The following MEX3D variants were observed in gnomAD, a reference collection of about 807,000 sequenced individuals.
MEX3D encodes mex-3 RNA binding family member D, also known as RNA-binding protein MEX3D.
A neutral mutation model predicts 6.3 loss-of-function variants in MEX3D; 4 were observed. That is an observed-to-expected ratio of 0.64 (90% CI 0.31 to 1.46). The LOEUF is 1.46. MEX3D is among the 40% of genes most tolerant of loss of function. The pLI is 0.07. For synonymous variants in MEX3D, 626 were observed against 494.1 expected (o/e 1.27, Z -3.54); for missense variants, 1,038 against 994.4 (o/e 1.04, Z -0.59).
rs1181675241 is a variant in MEX3D at position 1,556,208 on chromosome 19, C to T, written c.1311G>A (p.Glu437=). 7.0e-7 allele frequency: 1 copy of T among 1,433,668 alleles called. No individual in the cohort carries two copies. Among genetic ancestry groups the T allele is most frequent in the South Asian group, 1.3e-5 (1 of 78,180 alleles). 88.8% of individuals were successfully genotyped at this position (1,433,668 alleles called of 1,614,324 possible). The change falls in exon 2 of 2, where the codon GAG becomes GAA. Residue 437 remains glutamate (E), a synonymous_variant. Transcript: ENST00000402693. This position sits in a 1 kb window ranked among gnomAD's most constrained non-coding sequence, Gnocchi z 7.5. The part of the protein sequence containing the change: ...SGNGGFAFGA[E]GPGAPVGTAA... ...CCGTCCCCACCGGGGCACCGGGACC[C>T]TCCGCGCCGAAGGCGAAGCCCCCGT...
Position 1,555,441 on chromosome 19 carries a change from CTGCCCCCTCGG to C in MEX3D, c.*111_*121del. On this transcript the variant is annotated 3_prime_UTR_variant, in exon 2 of 2. Coordinates refer to ENST00000402693, the MANE Select transcript of MEX3D (RefSeq NM_203304.4). The stretch of plus-strand genomic sequence containing the variant: ...TAAACACTGGCCGCCGCCCACCCCC[CTGCCCCCTCGG>C]CCTCCGCCCCTCGCCCCCTCCCCGT... 1.4e-6 allele frequency: 2 copies of C among 1,401,782 alleles called. No homozygotes were observed. Among genetic ancestry groups the C allele is most frequent in the East Asian group, 3.1e-5 (1 of 32,228 alleles). 86.8% of individuals were successfully genotyped at this position (1,401,782 alleles called of 1,614,324 possible).
In MEX3D at chr19:1,567,306, A is replaced by G. The variant is rs1452368763; in HGVS notation, c.595+158T>C. 6.6e-6 allele frequency among the ~76,000 whole-genome samples: 1 copy of G among 151,546 alleles called. No homozygotes were observed. The highest frequency in any genetic ancestry group is 2.0e-4 in the East Asian group (1 of 5,126). On this transcript the variant is annotated intron_variant, in intron 1 of 1. Transcript: ENST00000402693. The surrounding 1 kb of genome is among the most constrained non-coding windows in gnomAD (Gnocchi z 6.5). ...AACTTTCTCCCGCGGCGGCTGCAGG[A>G]CAAAGGCGCAAAGGCAGCGGCCGAG... is the stretch of plus-strand genomic sequence containing the variant.
chr19:1,567,594 C>G lies in MEX3D; in HGVS notation c.465G>C (p.Ala155=). The change falls in exon 1 of 2, where the codon GCG becomes GCC. Residue 155 remains alanine (A), a synonymous_variant. Coordinates refer to ENST00000402693, the MANE Select transcript of MEX3D (RefSeq NM_203304.4). The surrounding 1 kb of genome is among the most constrained non-coding windows in gnomAD (Gnocchi z 6.5). ...DVFAGFAPHP[A]ALGPPTLLAD... ...CCAGCAGCGTCGGGGGCCCCAGGGC[C>G]GCGGGGTGGGGCGCGAAGCCCGCGA... 6.9e-7 allele frequency: 1 copy of G among 1,454,690 alleles called. No homozygotes were observed. Among genetic ancestry groups the G allele is most frequent in the Non-Finnish European group, 9.1e-7 (1 of 1,100,634 alleles). 90.1% of individuals were successfully genotyped at this position (1,454,690 alleles called of 1,614,324 possible).
intron 1 of MEX3D, among the ~76,000 whole-genome samples, chr19:1,558,087 C>T (rs1251998068): frequency 6.7e-6 from 1 of 148,528 alleles, no homozygotes; most frequent in African/African-American, 2.5e-5. Context: ...GTGGCAGGGT[C>T]AGTGGCTCAC....
rs544441757 is a variant in MEX3D at position 1,555,440 on chromosome 19, C to T, written c.*123G>A. 8.6e-4 allele frequency: 1,262 copies of T among 1,470,444 alleles called. 21 individuals carry two copies. The African/African-American group carries it at 0.016, about 19-fold the overall frequency. The allele number at this position is 1,470,444 out of a possible 1,614,324, so 91.1% of individuals were successfully genotyped here. On this transcript the variant is annotated 3_prime_UTR_variant, in exon 2 of 2. Coordinates refer to ENST00000402693, the MANE Select transcript of MEX3D (RefSeq NM_203304.4). ...GTAAACACTGGCCGCCGCCCACCCCCCTGCCCCCTCGGCCTCCGCCCCTCG... is the reference window on the plus strand; with the variant it reads ...GTAAACACTGGCCGCCGCCCACCCCTCTGCCCCCTCGGCCTCCGCCCCTCG...
At chr19:1,558,133 G>A (rs1361001333) in intron 1 of MEX3D, among the ~76,000 whole-genome samples, 1 of 151,552 alleles carries the variant, frequency 6.6e-6, no homozygotes, top group African/African-American at 2.4e-5. Context: ...TCTGAGGCAG[G>A]AGGATCACTG....
In MEX3D at chr19:1,555,997, C is replaced by G; in HGVS notation, c.1522G>C (p.Ala508Pro). The G allele has an allele frequency of 8.3e-7, 1 of 1,206,578 alleles. No homozygotes were observed. The highest frequency in any genetic ancestry group is 1.0e-6 in the Non-Finnish European group (1 of 968,082). The allele number at this position is 1,206,578 out of a possible 1,614,324, so 74.7% of individuals were successfully genotyped here. A position where few individuals can be genotyped will look rare whatever the true frequency, so the allele number is the denominator to read the frequency against. ...GTGGGCGAGTGGCGGGGGGTCCCGG[C>G]CCCACTGCTGCGCCGGGCGCCGGCG... ...PAAGARRSSG[A>P]GTPRHSPTLP... Residue 508 changes from alanine (A) to proline (P), a missense_variant, in exon 2 of 2, where the codon GCC becomes CCC. Around this residue, in one of 5 missense-constraint regions of MEX3D, gnomAD observed 581 missense variants for 516.2 expected, o/e 1.13. Coordinates refer to ENST00000402693, the MANE Select transcript of MEX3D (RefSeq NM_203304.4).
intron 1 of MEX3D, among the ~76,000 whole-genome samples, chr19:1,565,044 G>A (rs374098039): frequency 5.8e-4 from 89 of 152,210 alleles, no homozygotes; most frequent in Admixed American, 1.5e-3. Context: ...CTGGCAACGC[G>A]CACTCCACTT....
At position 1,555,179 on chromosome 19, in the gene MEX3D, G is replaced by A. The variant is rs1914480259; in HGVS notation, c.*384C>T. 1.4e-6 allele frequency: 1 copy of A among 737,572 alleles called. No homozygotes were observed. Among genetic ancestry groups the A allele is most frequent in the East Asian group, 7.0e-5 (1 of 14,212 alleles). The allele number at this position is 737,572 out of a possible 1,614,324, so 45.7% of individuals were successfully genotyped here. A position where few individuals can be genotyped will look rare whatever the true frequency, so the allele number is the denominator to read the frequency against. On this transcript the variant is annotated 3_prime_UTR_variant, in exon 2 of 2. Transcript: ENST00000402693. ...AAAGTCAAATCAGAAAACGGCTTCG[G>A]ACGAAAGGAAAAAACGCTGAGCGCT...
intron 1 of MEX3D, among the ~76,000 whole-genome samples, chr19:1,558,620 C>A (rs1324674661): frequency 7.2e-5 from 11 of 152,218 alleles, no homozygotes. Flanking sequence ...TCTGACACCA[C>A]CTCCCGGCCC....
In MEX3D at chr19:1,567,047, C is replaced by T. The variant is rs1467701233; in HGVS notation, c.595+417G>A. Among the ~76,000 whole-genome samples, 2 of 152,126 alleles carry T rather than the reference C, an allele frequency of 1.3e-5. No homozygotes were observed. Among genetic ancestry groups the T allele is most frequent in the Non-Finnish European group, 2.9e-5 (2 of 67,986 alleles). On this transcript the variant is annotated intron_variant, in intron 1 of 1. Coordinates refer to ENST00000402693, the MANE Select transcript of MEX3D (RefSeq NM_203304.4). The surrounding 1 kb of genome is among the most constrained non-coding windows in gnomAD (Gnocchi z 6.5). ...TCTCTCCCGGTCCTGCAGGCGGCCC[C>T]CCTAAGCCACCCCTAAACCTGCGCT...
rs1168067413 is a variant in MEX3D at position 1,567,247 on chromosome 19, C to G, written c.595+217G>C. ...GCCCAGACAAAGGCGGCGGCGGGGC[C>G]GGAGCGCGCAGGGGAGGAGCGCGGG... On this transcript the variant is annotated intron_variant, in intron 1 of 1. Coordinates refer to ENST00000402693, the MANE Select transcript of MEX3D (RefSeq NM_203304.4). This position sits in a 1 kb window ranked among gnomAD's most constrained non-coding sequence, Gnocchi z 6.5. 1.6e-4 allele frequency among the ~76,000 whole-genome samples: 25 copies of G among 151,522 alleles called. No individual in the cohort carries two copies. Among genetic ancestry groups the G allele is most frequent in the Admixed American group, 1.6e-3 (24 of 15,228 alleles).
Position 1,568,253 on chromosome 19 carries a change from A to G in MEX3D, c.-195T>C, listed in dbSNP as rs1914908665. Among the ~76,000 whole-genome samples, 1 of 134,416 alleles carries G rather than the reference A, an allele frequency of 7.4e-6. No individual in the cohort carries two copies. The highest frequency in any genetic ancestry group is 2.7e-5 in the African/African-American group (1 of 36,862). 88.2% of individuals were successfully genotyped at this position (134,416 alleles called of 152,430 possible). On this transcript the variant is annotated 5_prime_UTR_variant, in exon 1 of 2. Coordinates refer to ENST00000402693, the MANE Select transcript of MEX3D (RefSeq NM_203304.4). The stretch of plus-strand genomic sequence containing the variant: ...GGGCCGGGCCGGGCCGGGCGGCGGC[A>G]GCGACTCTGGCTGCGGCTCGGCGGC...
At chr19:1,564,802 G>C (rs994687480) in intron 1 of MEX3D, among the ~76,000 whole-genome samples, 1 of 152,132 alleles carries the variant, frequency 6.6e-6, no homozygotes, top group Admixed American at 6.5e-5. Flanking sequence ...GCTTGGGTTT[G>C]ACAGAGAAGC....
Position 1,555,730 on chromosome 19 carries a change from C to T in MEX3D, c.1789G>A (p.Ala597Thr). ...PPSASSAPALARECVVCAEGE... is the reference protein window; with the variant it reads ...PPSASSAPALTRECVVCAEGE... ...TCGGCGCACACCACGCACTCTCGCG[C>T]CAGGGCCGGGGCCGAGGACGCCGAA... The change falls in exon 2 of 2, where the codon GCG (alanine) becomes ACG (threonine). Residue 597 changes from alanine (A) to threonine (T), a missense_variant. Around this residue, in one of 5 missense-constraint regions of MEX3D, gnomAD observed 581 missense variants for 516.2 expected, o/e 1.13. Transcript: ENST00000402693. 1 of 1,528,966 alleles carries T rather than the reference C, an allele frequency of 6.5e-7. No individual in the cohort carries two copies. The highest frequency in any genetic ancestry group is 8.7e-7 in the Non-Finnish European group (1 of 1,144,568). 94.7% of individuals were successfully genotyped at this position (1,528,966 alleles called of 1,614,324 possible).
intron 1 of MEX3D, among the ~76,000 whole-genome samples, chr19:1,561,282 T>A (rs561405380): frequency 5.3e-5 from 8 of 152,156 alleles, no homozygotes; most frequent in Non-Finnish European, 1.2e-4. Flanking sequence ...CTGGATGGGT[T>A]TGCCATGGCA....
intron 1 of MEX3D, among the ~76,000 whole-genome samples, chr19:1,561,146 G>A (rs184578347): frequency 2.4e-3 from 360 of 152,228 alleles, no homozygotes; most frequent in African/African-American, 7.9e-3. Context: ...AGGGCCCCAC[G>A]CAGCACACAC....
At chr19:1,557,054 C>G in intron 1 of MEX3D, 131 bp from the exon 2 acceptor site, 1 of 1,105,580 alleles carries the variant, frequency 9.0e-7, no homozygotes, top group Non-Finnish European at 1.3e-6. Flanking sequence ...ACACTTTATC[C>G]TCAGACACGC....
Position 1,567,625 on chromosome 19 carries a change from T to C in MEX3D, c.434A>G (p.Asp145Gly). The change falls in exon 1 of 2, where the codon GAC (aspartate) becomes GGC (glycine). Residue 145 changes from aspartate (D) to glycine (G), a missense_variant. Around this residue, in one of 5 missense-constraint regions of MEX3D, gnomAD observed 265 missense variants for 206.3 expected, o/e 1.28. Coordinates refer to ENST00000402693, the MANE Select transcript of MEX3D (RefSeq NM_203304.4). The surrounding 1 kb of genome is among the most constrained non-coding windows in gnomAD (Gnocchi z 6.5). ...GTGGGGCGCGAAGCCCGCGAACACG[T>C]CGGGGGGCGACGGCCGGGGCGGCGG... ...PPPPPRPSPP[D>G]VFAGFAPHPA... is the part of the protein sequence containing the mutation. 1.5e-6 allele frequency: 2 copies of C among 1,291,238 alleles called. No homozygotes were observed. The highest frequency in any genetic ancestry group is 3.2e-5 in the East Asian group (1 of 30,848). The allele number at this position is 1,291,238 out of a possible 1,614,324, so 80.0% of individuals were successfully genotyped here. A position where few individuals can be genotyped will look rare whatever the true frequency, so the allele number is the denominator to read the frequency against.
Sources: allele counts gnomAD v4.1 joint callset (sites outside exome capture counted in the v4.1 genomes callset), GRCh38; gene constraint gnomAD v4.1.1; regional missense constraint gnomAD v4.1.1; non-coding constraint Gnocchi (gnomAD v3.1); transcripts MANE v1.5; gene names NCBI Gene and HGNC (gene_info 2026-07-23, HGNC 2026-07-21).